The following HERC4 variants were observed in gnomAD, a reference collection of about 807,000 sequenced individuals.
HERC4 encodes HECT and RLD domain containing E3 ubiquitin protein ligase 4.
HERC4 carries 28 observed loss-of-function variants against 124.3 expected under a neutral mutation model. The observed-to-expected ratio is 0.23, with a 90% CI of 0.17 to 0.31. HERC4 has a LOEUF of 0.31. Ranked by LOEUF, HERC4 falls within the 10% of genes least tolerant of loss-of-function variation. HERC4 has a pLI of 1.00. For missense variants in HERC4, 713 were observed against 1,229.3 expected, an observed-to-expected ratio of 0.58 and a Z score of 6.28; for synonymous variants, 407 against 421.5, an observed-to-expected ratio of 0.97 and a Z score of 0.42.
chr10:67,945,318 A>G (rs2033240212), intron 19 of HERC4, among the ~76,000 whole-genome samples: 1 of 152,236 alleles, frequency 6.6e-6, no homozygotes, highest in South Asian at 2.1e-4. Flanking sequence ...GCTGAAGGAA[A>G]AAACTTTTAT....
chr10:67,984,466 C>T (rs2036141136), intron 15 of HERC4, among the ~76,000 whole-genome samples: 1 of 151,732 alleles, frequency 6.6e-6, no homozygotes, highest in Non-Finnish European at 1.5e-5. Context: ...AATGGAGACA[C>T]AGAGTAGAAG....
chr10:68,004,225 C>T (rs867078464), intron 9 of HERC4, among the ~76,000 whole-genome samples: 5 of 152,054 alleles, frequency 3.3e-5, no homozygotes, highest in African/African-American at 1.2e-4. Context: ...CAGGAACAAC[C>T]GAGTTGTTGA....
Position 67,930,846 on chromosome 10 carries a change from A to G in HERC4, c.2838+1751T>C, listed in dbSNP as rs535740024. On this transcript the variant is annotated intron_variant, in intron 23 of 24. Coordinates refer to ENST00000373700, the MANE Select transcript of HERC4 (RefSeq NM_015601.4). ...AGGAGTGTGCCACCACACCTGGCTA[A>G]TTTTTGTATTTTTAGTAGGGATGGG... is the stretch of plus-strand genomic sequence containing the variant. Among the ~76,000 whole-genome samples the G allele has an allele frequency of 9.9e-5, 15 of 151,934 alleles. No individual in the cohort carries two copies. In the South Asian group the frequency reaches 1.2e-3, roughly 13 times the overall value.
rs1326296803 is a variant in HERC4, at chr10:68,059,541, T to A, written c.226+13342A>T. Among the ~76,000 whole-genome samples, 457 of 103,304 alleles carry A rather than the reference T, an allele frequency of 4.4e-3. 13 individuals carry two copies. Among genetic ancestry groups the A allele is most frequent in the South Asian group, 8.1e-3 (29 of 3,596 alleles). 67.8% of individuals were successfully genotyped at this position (103,304 alleles called of 152,430 possible). On this transcript the variant is annotated intron_variant, in intron 3 of 24. Transcript: ENST00000373700. ...TATCATAATAATATTATATATCATA[T>A]TATATATCATAATATATATCATAAT...
At position 67,922,197 on chromosome 10, in the gene HERC4, G is replaced by A. The variant is rs1292477811; in HGVS notation, c.*734C>T. On this transcript the variant is annotated 3_prime_UTR_variant, in exon 25 of 25. Coordinates refer to ENST00000373700, the MANE Select transcript of HERC4 (RefSeq NM_015601.4). ...TTTCTTTTTATTACTGGCAACTGTG[G>A]AGACAGAGTTCTTCCAGTACTAAAT... The A allele has an allele frequency of 6.6e-6, 1 of 152,106 alleles. No homozygotes were observed. Among genetic ancestry groups the A allele is most frequent in the Non-Finnish European group, 1.5e-5 (1 of 67,992 alleles). The allele number at this position is 152,106 out of a possible 1,614,324, so 9.4% of individuals were successfully genotyped here.
At chr10:67,928,338 T>G (rs916829413) in intron 23 of HERC4, among the ~76,000 whole-genome samples, 8 of 152,134 alleles carry the variant, frequency 5.3e-5, no homozygotes, top group African/African-American at 1.9e-4. Flanking sequence ...ACAGGCTTCT[T>G]CTTTTGAGAA....
At chr10:68,048,662 T>A (rs1175480838) in intron 3 of HERC4, among the ~76,000 whole-genome samples, 3 of 152,210 alleles carry the variant, frequency 2.0e-5, no homozygotes, top group Non-Finnish European at 2.9e-5. Flanking sequence ...ATTTGGGTGA[T>A]AATGATATAT....
At chr10:68,049,053 T>C (rs541142028) in intron 3 of HERC4, among the ~76,000 whole-genome samples, 2 of 152,222 alleles carry the variant, frequency 1.3e-5, no homozygotes, top group East Asian at 3.9e-4. Flanking sequence ...ATTCCAGGAA[T>C]TTGTTCTACA....
intron 16 of HERC4, among the ~76,000 whole-genome samples, chr10:67,957,634 C>T (rs2034227964): frequency 6.6e-6 from 1 of 152,032 alleles, no homozygotes; most frequent in African/African-American, 2.4e-5. Flanking sequence ...TATGAATTGC[C>T]AGTCACACAT....
chr10:67,926,423 A>C (rs527895932), intron 23 of HERC4, among the ~76,000 whole-genome samples: 1 of 149,186 alleles, frequency 6.7e-6, no homozygotes, highest in African/African-American at 2.4e-5. Context: ...AAATAAAAAA[A>C]AAAAAAAACA....
intron 3 of HERC4, among the ~76,000 whole-genome samples, chr10:68,051,101 CAA>C (rs755520085): frequency 5.2e-5 from 5 of 95,412 alleles, no homozygotes; most frequent in Non-Finnish European, 8.8e-5. Flanking sequence ...ACCCAAAGAC[CAA>C]AAAAAAAAAA....
At chr10:68,013,006 A>G (rs1352425102) in intron 9 of HERC4, among the ~76,000 whole-genome samples, 2 of 152,228 alleles carry the variant, frequency 1.3e-5, no homozygotes, top group Admixed American at 6.5e-5. Context: ...TAATAAGAAC[A>G]CAGGCATGCC....
At chr10:67,931,236 G>A (rs1033066979) in intron 23 of HERC4, among the ~76,000 whole-genome samples, 2 of 150,864 alleles carry the variant, frequency 1.3e-5, no homozygotes, top group Admixed American at 6.6e-5. Context: ...CGCCCGCCTC[G>A]GTGTCCCAAA....
intron 15 of HERC4, among the ~76,000 whole-genome samples, chr10:67,979,104 C>T (rs2035776175): frequency 6.6e-6 from 1 of 152,060 alleles, no homozygotes; most frequent in South Asian, 2.1e-4. Flanking sequence ...GTTATCAAGA[C>T]CATCCAGGAA....
At chr10:68,022,298 G>A (rs529402160) in intron 8 of HERC4, among the ~76,000 whole-genome samples, 23 of 151,884 alleles carry the variant, frequency 1.5e-4, no homozygotes, top group South Asian at 4.2e-4. Context: ...TCGGGAGTTC[G>A]AGACCAGCCT....
intron 7 of HERC4, among the ~76,000 whole-genome samples, chr10:68,031,283 G>A (rs933573714): frequency 6.6e-6 from 1 of 152,110 alleles, no homozygotes; most frequent in Non-Finnish European, 1.5e-5. Context: ...CATTAACATT[G>A]TTAGTCTTTC....
rs1564625289 is a variant in HERC4, at chr10:68,072,705, CACA to C, written c.226+175_226+177del. Among the ~76,000 whole-genome samples, 3 of 151,710 alleles carry C rather than the reference CACA, an allele frequency of 2.0e-5. No homozygotes were observed. In the South Asian group the frequency reaches 6.2e-4, roughly 32 times the overall value. On this transcript the variant is annotated intron_variant, in intron 3 of 24. Coordinates refer to ENST00000373700, the MANE Select transcript of HERC4 (RefSeq NM_015601.4). ...ATACTAGTAGTAAAAAAAAAGAAAC[CACA>C]ACATAAAGTACTTAGAACCATACAA...
At chr10:68,023,113 C>G (rs1589352566) in intron 8 of HERC4, among the ~76,000 whole-genome samples, 1 of 151,866 alleles carries the variant, frequency 6.6e-6, no homozygotes, top group African/African-American at 2.4e-5. Context: ...AGGGCAGTTA[C>G]TATGAGAAAC....
At chr10:68,039,843 A>G in intron 4 of HERC4, 2 of 1,005,284 alleles carry the variant, frequency 2.0e-6, no homozygotes, top group Non-Finnish European at 2.4e-6. Context: ...CATATTAAGT[A>G]TTTTAGGAAA....
Sources: allele counts gnomAD v4.1 joint callset (sites outside exome capture counted in the v4.1 genomes callset), GRCh38; gene constraint gnomAD v4.1.1; transcripts MANE v1.5; gene names NCBI Gene and HGNC (gene_info 2026-07-23, HGNC 2026-07-21).